Variants in LIPA observed in about 807,000 individuals in gnomAD.
LIPA encodes lipase A, lysosomal acid type, also known as lysosomal acid lipase/cholesteryl ester hydrolase.
In LIPA, 26 loss-of-function variants were observed where a neutral mutation model predicts 40.6. The ratio of observed to expected loss-of-function variants is 0.64; its 90% CI spans 0.47 to 0.89. LIPA has a LOEUF of 0.89. Ranked by LOEUF, LIPA falls within the 40% of genes least tolerant of loss-of-function variation. The pLI, the probability that LIPA is intolerant of heterozygous loss-of-function variation, is 0.00. For synonymous variants in LIPA, 188 were observed against 168.4 expected, an observed-to-expected ratio of 1.12 and a Z score of -0.90; for missense variants, 455 against 479.6, an observed-to-expected ratio of 0.95 and a Z score of 0.48.
chr10:89,410,894 G>A (rs1196861487), intron 2 of LIPA, among the ~76,000 whole-genome samples: 1 of 152,176 alleles, frequency 6.6e-6, no homozygotes, highest in East Asian at 1.9e-4. Context: ...AGAAAGGAAA[G>A]CAAGAAAGAG....
chr10:89,366,478 C>T (rs1844057705), intron 2 of LIPA, among the ~76,000 whole-genome samples: 1 of 152,032 alleles, frequency 6.6e-6, no homozygotes, highest in Admixed American at 6.6e-5. Context: ...GAACTTTTTA[C>T]AAATTTATAA....
chr10:89,251,367 G>A (rs1843117653), intron 1 of LIPA, among the ~76,000 whole-genome samples: 1 of 152,226 alleles, frequency 6.6e-6, no homozygotes. Context: ...ATGCCTGGAG[G>A]AGCTAAGGGG....
intron 2 of LIPA, among the ~76,000 whole-genome samples, chr10:89,368,723 G>A (rs892915387): frequency 2.6e-5 from 4 of 152,144 alleles, no homozygotes; most frequent in African/African-American, 9.7e-5. Flanking sequence ...TAACACATCA[G>A]GTAAGTTGTC....
intron 1 of LIPA, among the ~76,000 whole-genome samples, chr10:89,288,687 A>G (rs1843354446): frequency 1.3e-5 from 2 of 152,214 alleles, no homozygotes; most frequent in South Asian, 4.1e-4. Context: ...TCCACTCACC[A>G]GCAAAGGCAG....
intron 2 of LIPA, among the ~76,000 whole-genome samples, chr10:89,367,004 G>C (rs367581677): frequency 6.6e-6 from 1 of 152,180 alleles, no homozygotes; most frequent in African/African-American, 2.4e-5. Flanking sequence ...CATAAAAAAG[G>C]ATGAGCTCAT....
At chr10:89,323,554 A>G (rs1300796244) in intron 1 of LIPA, among the ~76,000 whole-genome samples, 1 of 152,114 alleles carries the variant, frequency 6.6e-6, no homozygotes, top group Non-Finnish European at 1.5e-5. Context: ...TCTACCCAAA[A>G]GCTCGTAGGT....
chr10:89,296,513 G>T (rs1012635897), intron 1 of LIPA, among the ~76,000 whole-genome samples: 1 of 141,258 alleles, frequency 7.1e-6, no homozygotes, highest in African/African-American at 2.7e-5. Flanking sequence ...AAAAGAAGAA[G>T]AAGAAGAACT....
At chr10:89,269,851 A>G (rs1843256216) in intron 1 of LIPA, among the ~76,000 whole-genome samples, 1 of 152,242 alleles carries the variant, frequency 6.6e-6, no homozygotes, top group South Asian at 2.1e-4. Context: ...ATCTGCAGGT[A>G]CAGATTTGTA....
At chr10:89,308,478 C>T (rs1202731891) in intron 1 of LIPA, 1 of 152,096 alleles carries the variant, frequency 6.6e-6, no homozygotes, top group Non-Finnish European at 1.5e-5. Flanking sequence ...GGGTTTTCCC[C>T]CCTTTAGAAA....
intron 2 of LIPA, among the ~76,000 whole-genome samples, chr10:89,359,067 C>T (rs901141682): frequency 6.6e-6 from 1 of 152,132 alleles, no homozygotes; most frequent in African/African-American, 2.4e-5. Context: ...CAGCAGGTGT[C>T]AGGGGTTTTC....
At chr10:89,338,679 C>T (rs1212860714) in intron 1 of LIPA, 1 of 1,612,480 alleles carries the variant, frequency 6.2e-7, no homozygotes, top group Non-Finnish European at 8.5e-7. Context: ...CCAAGAATTC[C>T]CTGGAGAAAA....
intron 1 of LIPA, among the ~76,000 whole-genome samples, chr10:89,266,068 T>C (rs1291580357): frequency 6.6e-6 from 1 of 152,258 alleles, no homozygotes; most frequent in African/African-American, 2.4e-5. Flanking sequence ...ATATGATATA[T>C]GTTTTCTATC....
At chr10:89,273,976 A>G (rs1322866972) in intron 1 of LIPA, among the ~76,000 whole-genome samples, 2 of 152,268 alleles carry the variant, frequency 1.3e-5, no homozygotes, top group African/African-American at 4.8e-5. Context: ...TACATAGACC[A>G]TACTGCCCAC....
chr10:89,266,552 G>T (rs139909814), intron 1 of LIPA, among the ~76,000 whole-genome samples: 1 of 152,156 alleles, frequency 6.6e-6, no homozygotes, highest in Admixed American at 6.5e-5. Flanking sequence ...CTTGGATCCC[G>T]TGCCTGAAAT....
intron 2 of LIPA, among the ~76,000 whole-genome samples, chr10:89,400,212 G>C (rs1844402769): frequency 1.3e-5 from 2 of 152,236 alleles, no homozygotes; most frequent in Non-Finnish European, 1.5e-5. Context: ...GAATGTGTGA[G>C]ACATCCAACT....
Position 89,228,229 on chromosome 10 carries a change from T to G in LIPA, c.399A>C (p.Ser133=). 4 of 1,613,376 alleles carry G rather than the reference T, an allele frequency of 2.5e-6. No individual in the cohort carries two copies. The highest frequency in any genetic ancestry group is 3.4e-6 in the Non-Finnish European group (4 of 1,179,344). Residue 133 remains serine (S), a synonymous_variant, in exon 4 of 10, where the codon TCA becomes TCC. Transcript: ENST00000336233. ...AAGCCCAGAATTCATCCTGAGAAACTGAGAGTGTCTTATGTTTCCGAGACC... is the reference window on the plus strand; with the variant it reads ...AAGCCCAGAATTCATCCTGAGAAACGGAGAGTGTCTTATGTTTCCGAGACC... ...NTWSRKHKTL[S]VSQDEFWAFS...
intron 1 of LIPA, among the ~76,000 whole-genome samples, chr10:89,250,722 A>C (rs2243547): frequency 0.27 from 40,765 of 152,104 alleles, 6,101 homozygotes; most frequent in South Asian, 0.42. Flanking sequence ...AGCTAAAGCT[A>C]CTCAGCTGAA....
At chr10:89,243,601 A>T (rs992741228) in intron 3 of LIPA, among the ~76,000 whole-genome samples, 3 of 152,164 alleles carry the variant, frequency 2.0e-5, no homozygotes, top group Non-Finnish European at 4.4e-5. Context: ...TTAAAAAAAA[A>T]AAAGAAAAAA....
At chr10:89,341,818 A>T (rs1310740430) in intron 1 of LIPA, among the ~76,000 whole-genome samples, 2 of 152,220 alleles carry the variant, frequency 1.3e-5, no homozygotes, top group Admixed American at 1.3e-4. Flanking sequence ...TCAAAGATCC[A>T]GACCTGCTAG....
Sources: allele counts gnomAD v4.1 joint callset (sites outside exome capture counted in the v4.1 genomes callset), GRCh38; gene constraint gnomAD v4.1.1; transcripts MANE v1.5; gene names NCBI Gene and HGNC (gene_info 2026-07-23, HGNC 2026-07-21).